The following MAPRE1 variants were observed in gnomAD, a reference collection of about 807,000 sequenced individuals.
MAPRE1 encodes microtubule associated protein RP/EB family member 1.
A neutral mutation model predicts 32.1 loss-of-function variants in MAPRE1; 5 were observed. That is an observed-to-expected ratio of 0.16 (90% CI 0.08 to 0.33). MAPRE1 has a LOEUF of 0.33. MAPRE1 is among the 10% of genes least tolerant of loss of function. The pLI is 1.00. For missense variants in MAPRE1, 209 were observed against 327.2 expected (o/e 0.64, Z 2.79); for synonymous variants, 122 against 118.9 (o/e 1.03, Z -0.17).
At chr20:32,834,313 G>A (rs916490413) in intron 3 of MAPRE1, among the ~76,000 whole-genome samples, 1 of 152,132 alleles carries the variant, frequency 6.6e-6, no homozygotes. Flanking sequence ...AGAAATACTT[G>A]CTTTTTATAG....
chr20:32,843,087 C>G (rs2031715487), intron 5 of MAPRE1: 1 of 152,168 alleles, frequency 6.6e-6, no homozygotes, highest in African/African-American at 2.4e-5. Context: ...TCATACCCAG[C>G]TGGTTCAACC....
At chr20:32,840,637 T>G (rs907649290) in intron 5 of MAPRE1, among the ~76,000 whole-genome samples, 3 of 151,666 alleles carry the variant, frequency 2.0e-5, no homozygotes, top group African/African-American at 7.3e-5. Context: ...ATTGAAAAAA[T>G]CTGGGATGCT....
At chr20:32,840,216 G>C (rs1983323046) in intron 5 of MAPRE1, among the ~76,000 whole-genome samples, 1 of 152,208 alleles carries the variant, frequency 6.6e-6, no homozygotes, top group Admixed American at 6.5e-5. Context: ...TCTCTCTGCT[G>C]AGTCCTAGAC....
intron 5 of MAPRE1, among the ~76,000 whole-genome samples, chr20:32,845,021 A>G (rs1370935587): frequency 6.6e-6 from 1 of 151,776 alleles, no homozygotes; most frequent in Non-Finnish European, 1.5e-5. Flanking sequence ...GTATGTATGT[A>G]TGTATGTATG....
chr20:32,832,520 G>T (rs151208829), intron 2 of MAPRE1, among the ~76,000 whole-genome samples: 1 of 147,162 alleles, frequency 6.8e-6, no homozygotes, highest in Non-Finnish European at 1.5e-5. Context: ...AGGCTGGAGT[G>T]CAGTGATGTG....
At chr20:32,839,166 T>C (rs920594771) in intron 4 of MAPRE1, among the ~76,000 whole-genome samples, 1 of 152,226 alleles carries the variant, frequency 6.6e-6, no homozygotes, top group Non-Finnish European at 1.5e-5. Flanking sequence ...CCTGCTCTTA[T>C]GGATTCCCTC....
chr20:32,829,242 T>C (rs190386171), intron 2 of MAPRE1, among the ~76,000 whole-genome samples: 66 of 152,278 alleles, frequency 4.3e-4, no homozygotes, highest in Non-Finnish European at 7.6e-4. Flanking sequence ...TGTCTGCTAC[T>C]TTTCCCAAAT....
intron 5 of MAPRE1, among the ~76,000 whole-genome samples, chr20:32,840,689 C>G (rs1312238084): frequency 6.6e-6 from 1 of 152,052 alleles, no homozygotes; most frequent in Non-Finnish European, 1.5e-5. Flanking sequence ...TTTTACTTTT[C>G]TAAAAGCCAA....
At chr20:32,825,631 C>T (rs1236732607) in intron 1 of MAPRE1, among the ~76,000 whole-genome samples, 1 of 151,966 alleles carries the variant, frequency 6.6e-6, no homozygotes, top group Non-Finnish European at 1.5e-5. Context: ...CCCATCTCTA[C>T]TAAAAATACA....
At chr20:32,841,133 C>CT (rs1983349270) in intron 5 of MAPRE1, among the ~76,000 whole-genome samples, 1 of 152,128 alleles carries the variant, frequency 6.6e-6, no homozygotes, top group Admixed American at 6.5e-5. Flanking sequence ...CTTTTTCGTT[C>CT]TTTCATTTGT....
intron 5 of MAPRE1, among the ~76,000 whole-genome samples, chr20:32,845,031 G>C (rs1201352264): frequency 6.6e-6 from 1 of 150,976 alleles, no homozygotes; most frequent in Non-Finnish European, 1.5e-5. Flanking sequence ...ATGTATGTAT[G>C]TATGAATGAA....
intron 4 of MAPRE1, among the ~76,000 whole-genome samples, chr20:32,837,289 C>G (rs1232322184): frequency 2.0e-5 from 3 of 147,046 alleles, no homozygotes; most frequent in Non-Finnish European, 4.5e-5. Context: ...AGGGACTGCT[C>G]TTGGCTGTCT....
chr20:32,840,220 C>T (rs1215512705), intron 5 of MAPRE1, among the ~76,000 whole-genome samples: 3 of 152,180 alleles, frequency 2.0e-5, no homozygotes, highest in African/African-American at 7.2e-5. Context: ...TCTGCTGAGT[C>T]CTAGACTGGG....
In MAPRE1 at chr20:32,821,184, T is replaced by G. The variant is rs989348190; in HGVS notation, c.-4+1156T>G. Reference sequence around the variant, plus strand: ...GCGCGCGCCACCAAGCCCGGCTAATTGTTGTATTTTTTAGTAGAGACGAGG... The same window carrying G: ...GCGCGCGCCACCAAGCCCGGCTAATGGTTGTATTTTTTAGTAGAGACGAGG... On this transcript the variant is annotated intron_variant, in intron 1 of 6. Coordinates refer to ENST00000375571, the MANE Select transcript of MAPRE1 (RefSeq NM_012325.3). 2.6e-5 allele frequency among the ~76,000 whole-genome samples: 4 copies of G among 152,076 alleles called. No homozygotes were observed. In the East Asian group the frequency reaches 7.7e-4, roughly 29 times the overall value.
chr20:32,844,989 CTGTATGTA>C (rs35343459), intron 5 of MAPRE1, among the ~76,000 whole-genome samples: 13,261 of 150,332 alleles, frequency 0.088, 852 homozygotes, highest in African/African-American at 0.19. Flanking sequence ...AGTAGCTGTA[CTGTATGTA>C]TGTATGTATG....
intron 1 of MAPRE1, among the ~76,000 whole-genome samples, chr20:32,823,858 C>T (rs759378718): frequency 6.6e-5 from 10 of 152,164 alleles, no homozygotes; most frequent in Non-Finnish European, 8.8e-5. Context: ...CATTGCACTC[C>T]AGCCTGGGTG....
At chr20:32,826,261 G>A (rs1485853806) in intron 2 of MAPRE1, among the ~76,000 whole-genome samples, 1 of 145,002 alleles carries the variant, frequency 6.9e-6, no homozygotes, top group Non-Finnish European at 1.5e-5. Flanking sequence ...CTGTTGCCCA[G>A]GCTGGAGTGC....
At chr20:32,835,698 C>T (rs960173670) in intron 3 of MAPRE1, among the ~76,000 whole-genome samples, 1 of 150,110 alleles carries the variant, frequency 6.7e-6, no homozygotes, top group Non-Finnish European at 1.5e-5. Context: ...CTCCACCTCC[C>T]GGGTTCAAGT....
At chr20:32,845,635 T>C (rs1187287433) in intron 5 of MAPRE1, among the ~76,000 whole-genome samples, 1 of 152,238 alleles carries the variant, frequency 6.6e-6, no homozygotes, top group Admixed American at 6.5e-5. Flanking sequence ...TGTTTATTTC[T>C]GTTTTTAAAT....
Sources: allele counts gnomAD v4.1 joint callset (sites outside exome capture counted in the v4.1 genomes callset), GRCh38; gene constraint gnomAD v4.1.1; transcripts MANE v1.5; gene names NCBI Gene and HGNC (gene_info 2026-07-23, HGNC 2026-07-21).